The following TAOK1 variants were observed in gnomAD, a reference collection of about 807,000 sequenced individuals.
TAOK1 encodes TAO kinase 1, also known as serine/threonine-protein kinase TAO1.
In TAOK1, 21 loss-of-function variants were observed where a neutral mutation model predicts 138.3. That is an observed-to-expected ratio of 0.15 (90% CI 0.11 to 0.22). TAOK1 has a LOEUF of 0.22. TAOK1 is among the 10% of genes least tolerant of loss of function. The pLI, the probability that TAOK1 is intolerant of heterozygous loss-of-function variation, is 1.00. For synonymous variants in TAOK1, 361 were observed against 398.4 expected, an observed-to-expected ratio of 0.91 and a Z score of 1.12; for missense variants, 651 against 1,227.7, an observed-to-expected ratio of 0.53 and a Z score of 7.02.
At chr17:29,492,043 C>A (rs1241831269) in intron 10 of TAOK1, among the ~76,000 whole-genome samples, 178 bp downstream of exon 10, 1 of 152,070 alleles carries the variant, frequency 6.6e-6, no homozygotes, top group African/African-American at 2.4e-5. Context: ...TGCCACTGAA[C>A]CCGGCTAATT....
chr17:29,483,776 G>C (rs2031111792), intron 8 of TAOK1, among the ~76,000 whole-genome samples: 1 of 152,132 alleles, frequency 6.6e-6, no homozygotes. Context: ...TTTGAAGTTT[G>C]CAAAACTGTT....
intron 15 of TAOK1, chr17:29,513,827 C>T (rs1435496608): frequency 6.6e-6 from 1 of 152,148 alleles, no homozygotes; most frequent in Non-Finnish European, 1.5e-5. Flanking sequence ...ACTTATAATC[C>T]CAGCTACTCA....
At chr17:29,509,015 T>C (rs2031673036) in intron 14 of TAOK1, among the ~76,000 whole-genome samples, 1 of 152,004 alleles carries the variant, frequency 6.6e-6, no homozygotes, top group Admixed American at 6.6e-5. Flanking sequence ...CTTCTCCCTT[T>C]TCACAAAAAA....
In TAOK1 at chr17:29,423,724, A is replaced by G. The variant is rs1010155860; in HGVS notation, c.-94-27731A>G. ...TTAATTCTGTGTGGTCGGAAAACAT[A>G]CTGTCTGAATTTAATTCTTTATTTA... On this transcript the variant is annotated intron_variant, in intron 1 of 19. Transcript: ENST00000261716. Among the ~76,000 whole-genome samples the G allele has an allele frequency of 2.6e-5, 4 of 150,950 alleles. No individual in the cohort carries two copies. In the Admixed American group the frequency reaches 2.7e-4, roughly 10 times the overall value.
chr17:29,479,906 A>G (rs563564386), intron 6 of TAOK1, among the ~76,000 whole-genome samples: 66 of 152,114 alleles, frequency 4.3e-4, no homozygotes, highest in Non-Finnish European at 9.0e-4. Context: ...AATGATACGA[A>G]TACATCTTTA....
chr17:29,424,747 AT>A (rs1313501530), intron 1 of TAOK1: 1 of 152,148 alleles, frequency 6.6e-6, no homozygotes, highest in African/African-American at 2.4e-5. Flanking sequence ...ACAACTTAAC[AT>A]AAGTTTAAAA....
intron 19 of TAOK1, among the ~76,000 whole-genome samples, chr17:29,541,328 T>A (rs1205701905): frequency 1.3e-5 from 2 of 149,756 alleles, no homozygotes; most frequent in Non-Finnish European, 3.0e-5. Flanking sequence ...CAGGCTGGTC[T>A]CGAACTTCTG....
At chr17:29,534,353 G>T in intron 19 of TAOK1, 53 bp downstream of exon 19, 1 of 1,404,592 alleles carries the variant, frequency 7.1e-7, no homozygotes, top group Non-Finnish European at 9.4e-7. Context: ...TTTGTCAGAA[G>T]CGTTTTATAA....
At chr17:29,450,403 A>G (rs2030201841) in intron 1 of TAOK1, among the ~76,000 whole-genome samples, 1 of 152,158 alleles carries the variant, frequency 6.6e-6, no homozygotes, top group Non-Finnish European at 1.5e-5. Context: ...CATTTTACAG[A>G]TTAGGAAAAT....
chr17:29,485,998 T>C (rs2030506152), intron 8 of TAOK1, among the ~76,000 whole-genome samples: 1 of 152,174 alleles, frequency 6.6e-6, no homozygotes, highest in Admixed American at 6.5e-5. Context: ...AAAATAAATT[T>C]GGTTTAAAAT....
chr17:29,534,311 T>C lies in TAOK1; in HGVS notation c.2544+11T>C, dbSNP rs3744624. The C allele has an allele frequency of 0.19, 290,779 of 1,512,750 alleles. 34,228 individuals are homozygous for C. The highest frequency in any genetic ancestry group is 0.67 in the East Asian group (27,635 of 41,142). 93.7% of individuals were successfully genotyped at this position (1,512,750 alleles called of 1,614,324 possible). ...CTCTTAGAACAAAAGGTATAAGTAA[T>C]AGAAGGAAAAATCATTGTTTTCGAA... is the stretch of plus-strand genomic sequence containing the variant. On this transcript the variant is annotated intron_variant, in intron 19 of 19. Coordinates refer to ENST00000261716, the MANE Select transcript of TAOK1 (RefSeq NM_020791.4).
At chr17:29,499,944 CTT>C (rs1444705214) in intron 12 of TAOK1, among the ~76,000 whole-genome samples, 2 of 152,142 alleles carry the variant, frequency 1.3e-5, no homozygotes, top group African/African-American at 4.8e-5. Context: ...CTGCATTACT[CTT>C]TACCCTTTTG....
At chr17:29,421,172 G>T (rs141887276) in intron 1 of TAOK1, among the ~76,000 whole-genome samples, 1 of 150,270 alleles carries the variant, frequency 6.7e-6, no homozygotes, top group Admixed American at 6.6e-5. Context: ...CTTGTGATCC[G>T]CCCGCCTTGG....
chr17:29,478,236 G>T lies in TAOK1; in HGVS notation c.353-15G>T. 1 of 1,566,848 alleles carries T rather than the reference G, an allele frequency of 6.4e-7. No individual in the cohort carries two copies. ...AAATGTTCTGTGTATTAATTATTTT[G>T]AAATAAATTTTAAGTTCACAAAAAG... On this transcript the variant is annotated splice_polypyrimidine_tract_variant and intron_variant, in intron 5 of 19. Coordinates refer to ENST00000261716, the MANE Select transcript of TAOK1 (RefSeq NM_020791.4).
At chr17:29,447,705 G>A (rs1483405869) in intron 1 of TAOK1, among the ~76,000 whole-genome samples, 2 of 149,654 alleles carry the variant, frequency 1.3e-5, no homozygotes, top group Non-Finnish European at 3.0e-5. Context: ...TGCCCAGGCT[G>A]CAGTGCAATG....
intron 1 of TAOK1, among the ~76,000 whole-genome samples, chr17:29,437,489 C>T (rs753209325): frequency 5.3e-5 from 8 of 152,076 alleles, no homozygotes; most frequent in Non-Finnish European, 8.8e-5. Context: ...TGAGCCACCA[C>T]GCCGGCCTAT....
In TAOK1 at chr17:29,408,764, A is replaced by G. The variant is rs542251241; in HGVS notation, c.-95+17740A>G. On this transcript the variant is annotated intron_variant, in intron 1 of 19. Transcript: ENST00000261716. ...GTCTCACTGTGTCACCTAGGCTGGAATGCAGTGGCACAGTCTTCGCTCACT... is the reference window on the plus strand; with the variant it reads ...GTCTCACTGTGTCACCTAGGCTGGAGTGCAGTGGCACAGTCTTCGCTCACT... 1.8e-3 allele frequency among the ~76,000 whole-genome samples: 269 copies of G among 151,170 alleles called. 3 individuals are homozygous for G. Among genetic ancestry groups the G allele is most frequent in the Admixed American group, 3.4e-3 (52 of 15,136 alleles).
At chr17:29,446,367 G>A (rs2030077577) in intron 1 of TAOK1, among the ~76,000 whole-genome samples, 1 of 151,824 alleles carries the variant, frequency 6.6e-6, no homozygotes, top group African/African-American at 2.4e-5. Context: ...TCAGCCTACC[G>A]AGTACCTGGG....
At chr17:29,461,098 A>T (rs1362206400) in intron 2 of TAOK1, among the ~76,000 whole-genome samples, 2 of 152,170 alleles carry the variant, frequency 1.3e-5, no homozygotes, top group African/African-American at 4.8e-5. Flanking sequence ...GAAAACAAAA[A>T]CAAATTGTTC....
Sources: allele counts gnomAD v4.1 joint callset (sites outside exome capture counted in the v4.1 genomes callset), GRCh38; gene constraint gnomAD v4.1.1; transcripts MANE v1.5; gene names NCBI Gene and HGNC (gene_info 2026-07-23, HGNC 2026-07-21).